Variants in GPR179 observed in about 807,000 individuals in gnomAD.
GPR179 encodes probable G protein-coupled receptor 179.
Under a neutral mutation model 70.8 loss-of-function variants are expected in GPR179, and 52 were observed. The ratio of observed to expected loss-of-function variants is 0.73; its 90% CI spans 0.59 to 0.93. The LOEUF (loss-of-function observed/expected upper bound fraction) is 0.93, where lower values mean the gene tolerates loss of function less well. GPR179 is among the 40% of genes least tolerant of loss of function. The pLI, the probability that GPR179 is intolerant of heterozygous loss-of-function variation, is 0.00. For synonymous variants in GPR179, 1,123 were observed against 1,169.0 expected (o/e 0.96, Z 0.80); for missense variants, 2,734 against 2,966.8 (o/e 0.92, Z 1.82).
rs552501732 is a variant in GPR179 at position 38,330,704 on chromosome 17, A to T, written c.2865T>A (p.Ser955=). Residue 955 remains serine, a synonymous_variant, in exon 11 of 11, where the codon TCT becomes TCA. Transcript: ENST00000616987. ...SGGLGEPRML[S]PTSTLAPALL... is the part of the protein sequence containing the mutation. Reference sequence around the variant, plus strand: ...GAGCTGGAGCCAAGGTGGAGGTGGGAGATAGCATCCTTGGCTCTCCCAGGC... The same window carrying T: ...GAGCTGGAGCCAAGGTGGAGGTGGGTGATAGCATCCTTGGCTCTCCCAGGC... 7.8e-5 allele frequency: 124 copies of T among 1,596,576 alleles called. No homozygotes were observed. In the South Asian group the frequency reaches 1.2e-3, roughly 16 times the overall value.
Position 38,334,116 on chromosome 17 carries a change from A to G in GPR179, c.1785-78T>C. ...TGCTTTGCCTTCTCACTGGCGTTTC[A>G]CCTCAGCCCCAACCCTGATACGCTT... is the stretch of plus-strand genomic sequence containing the variant. On this transcript the variant is annotated intron_variant, in intron 8 of 10. Transcript: ENST00000616987. This position sits in a 1 kb window ranked among gnomAD's most constrained non-coding sequence, Gnocchi z 4.7. 9.9e-7 allele frequency: 1 copy of G among 1,010,008 alleles called. No individual in the cohort carries two copies. The highest frequency in any genetic ancestry group is 1.6e-6 in the Non-Finnish European group (1 of 634,380). The allele number at this position is 1,010,008 out of a possible 1,614,324, so 62.6% of individuals were successfully genotyped here. A position where few individuals can be genotyped will look rare whatever the true frequency, so the allele number is the denominator to read the frequency against.
intron 1 of GPR179, 147 bp from the exon 2 acceptor site, chr17:38,339,672 G>C: frequency 1.6e-6 from 1 of 609,312 alleles, no homozygotes; most frequent in South Asian, 2.0e-5. Context: ...AGATTAGAAG[G>C]GTTCAGAAGT....
rs1363543230 is a variant in GPR179, at chr17:38,329,647, T to A, written c.3922A>T (p.Lys1308Ter). 6.2e-7 allele frequency: 1 copy of A among 1,614,174 alleles called. No homozygotes were observed. Among genetic ancestry groups the A allele is most frequent in the South Asian group, 1.1e-5 (1 of 91,088 alleles). ...EPIDVVPMMR[K>*]KPERLVREQE... ...TCCCTCACCAGCCTCTCTGGCTTTT[T>A]CCGCATCATGGGAACCACATCTATG... Residue 1308 changes from lysine (K) to a stop codon, truncating the protein, a stop_gained, in exon 11 of 11, where the codon AAA (lysine) becomes TAA (stop). Coordinates refer to ENST00000616987, the MANE Select transcript of GPR179 (RefSeq NM_001004334.4). LOFTEE classifies it low-confidence loss of function (END_TRUNC).
chr17:38,339,872 G>A (rs2037435770), intron 1 of GPR179, among the ~76,000 whole-genome samples: 1 of 152,148 alleles, frequency 6.6e-6, no homozygotes, highest in Non-Finnish European at 1.5e-5. Context: ...TGTAGGAGCT[G>A]GTCATAAAGA....
At position 38,326,869 on chromosome 17, in the gene GPR179, T is replaced by C. The variant is rs914089814; in HGVS notation, c.6700A>G (p.Ile2234Val). Residue 2234 changes from isoleucine (I) to valine (V), a missense_variant, in exon 11 of 11, where the codon ATA (isoleucine) becomes GTA (valine). Ile to Val is a conservative substitution (Grantham distance 29, BLOSUM62 3). Transcript: ENST00000616987. ...CAGATGTCTGCCATGGTACCCTTTA[T>C]TTTATTTCCTTCTGGATCTGTGATT... The part of the protein sequence containing the change: ...WEITDPEGNK[I>V]KGTMADICPG... 2 of 1,614,100 alleles carry C rather than the reference T, an allele frequency of 1.2e-6. No individual in the cohort carries two copies. Among genetic ancestry groups the C allele is most frequent in the Non-Finnish European group, 1.7e-6 (2 of 1,180,048 alleles).
intron 1 of GPR179, 34 bp from the exon 2 acceptor site, chr17:38,339,559 G>A: frequency 1.4e-6 from 2 of 1,452,560 alleles, no homozygotes; most frequent in Non-Finnish European, 1.9e-6. Flanking sequence ...GGGGCACAGT[G>A]ATTGATGCCA....
chr17:38,343,050 A>C lies in GPR179; in HGVS notation c.740T>G (p.Ile247Ser), dbSNP rs765247872. ...TCCATAGAAGGTGGCAGAGAGTGTG[A>C]TCAGCCATCCAGGTCGGAGCCGTCC... is the stretch of plus-strand genomic sequence containing the variant. ...QEGRLRPGWLITLSATFYGLK... is the reference protein window; with the variant it reads ...QEGRLRPGWLSTLSATFYGLK... Residue 247 changes from isoleucine (I) to serine (S), a missense_variant, in exon 1 of 11, where the codon ATC (isoleucine) becomes AGC (serine). Coordinates refer to ENST00000616987, the MANE Select transcript of GPR179 (RefSeq NM_001004334.4). This position sits in a 1 kb window ranked among gnomAD's most constrained non-coding sequence, Gnocchi z 4.2. 3.7e-5 allele frequency: 59 copies of C among 1,613,682 alleles called. 1 individual carries two copies. Among genetic ancestry groups the C allele is most frequent in the Non-Finnish European group, 4.9e-5 (58 of 1,179,820 alleles).
chr17:38,327,224 A>G lies in GPR179; in HGVS notation c.6345T>C (p.Cys2115=), dbSNP rs1316111153. 2 of 1,614,096 alleles carry G rather than the reference A, an allele frequency of 1.2e-6. No individual in the cohort carries two copies. The highest frequency in any genetic ancestry group is 2.2e-5 in the South Asian group (2 of 91,080). ...AGGGAGCCTCTACCACTTCCCACAG[A>G]CACACTTCCGCTACCCTGGTCTCCA... The part of the protein sequence containing the change: ...GSVETRVAEV[C]LWEVVEAPSA... Residue 2115 remains cysteine (C), a synonymous_variant, in exon 11 of 11, where the codon TGT becomes TGC. Transcript: ENST00000616987.
Position 38,337,662 on chromosome 17 carries a change from G to GCATTGTC in GPR179, c.961_962insGACAATG (p.Pro321ArgfsTer18). On this transcript the variant is annotated frameshift_variant, in exon 3 of 11. Transcript: ENST00000616987. LOFTEE classifies it high-confidence loss of function. The stretch of plus-strand genomic sequence containing the variant: ...AGAGGGGCTTGCCCCGTAGAATCCA[G>GCATTGTC]GTCGGCAGCGGCAGAGGTAGCGGCC... 6.3e-7 allele frequency: 1 copy of GCATTGTC among 1,598,642 alleles called. No individual in the cohort carries two copies. The highest frequency in any genetic ancestry group is 8.5e-7 in the Non-Finnish European group (1 of 1,173,012).
chr17:38,332,041 G>A (rs939810254), intron 10 of GPR179, among the ~76,000 whole-genome samples: 3 of 152,174 alleles, frequency 2.0e-5, no homozygotes, highest in African/African-American at 7.2e-5. Context: ...CATAGGGGCC[G>A]CAGATTGGCT....
chr17:38,333,307 C>T lies in GPR179; in HGVS notation c.1981G>A (p.Gly661Ser), dbSNP rs1656293706. 6.2e-7 allele frequency: 1 copy of T among 1,614,094 alleles called. No individual in the cohort carries two copies. The highest frequency in any genetic ancestry group is 8.5e-7 in the Non-Finnish European group (1 of 1,179,998). ...LDLQHSGSYL[G>S]SSIASAWSEH... ...CTCCAGGCTGAGGCGATGCTGCTGC[C>T]AAGGTAGGAGCCTGAGTGCTGCAGG... Residue 661 changes from glycine (G) to serine (S), a missense_variant, in exon 10 of 11, where the codon GGC becomes AGC. By Grantham distance (56) the Gly-to-Ser change is moderately conservative. Transcript: ENST00000616987.
rs780276424 is a variant in GPR179, at chr17:38,328,971, T to C, written c.4598A>G (p.Glu1533Gly). ...CGTGCTCTCCCTGGGACAAACTGAC[T>C]CCTGCTGTTGACTTAATTTCTGCAC... ...KAVQKLSQQQ[E>G]SVCPRESTVP... The change falls in exon 11 of 11, where the codon GAG becomes GGG. Residue 1533 changes from glutamate to glycine, a missense_variant. Physicochemically the swap from Glu to Gly is moderately conservative, Grantham distance 98. Coordinates refer to ENST00000616987, the MANE Select transcript of GPR179 (RefSeq NM_001004334.4). The C allele has an allele frequency of 1.2e-6, 2 of 1,614,136 alleles. No homozygotes were observed. The highest frequency in any genetic ancestry group is 1.7e-6 in the Non-Finnish European group (2 of 1,180,006).
At position 38,325,321 on chromosome 17, in the gene GPR179, T is replaced by C. The variant is rs930924453; in HGVS notation, c.*1144A>G. On this transcript the variant is annotated 3_prime_UTR_variant, in exon 11 of 11. Transcript: ENST00000616987. ...GTGCCCTTTTCCCAGCTCTCAGGCT[T>C]CTAACTTGCCCTGTAGCACTCCTCT... 6.6e-6 allele frequency among the ~76,000 whole-genome samples: 1 copy of C among 152,172 alleles called. No homozygotes were observed. Among genetic ancestry groups the C allele is most frequent in the Non-Finnish European group, 1.5e-5 (1 of 68,022 alleles).
In GPR179 at chr17:38,343,302, G is replaced by A; in HGVS notation, c.488C>T (p.Ala163Val). 1 of 1,614,166 alleles carries A rather than the reference G, an allele frequency of 6.2e-7. No homozygotes were observed. Among genetic ancestry groups the A allele is most frequent in the African/African-American group, 1.3e-5 (1 of 75,056 alleles). Residue 163 changes from alanine (A) to valine (V), a missense_variant, in exon 1 of 11, where the codon GCC (alanine) becomes GTC (valine). Ala to Val is a moderately conservative substitution (Grantham distance 64). Coordinates refer to ENST00000616987, the MANE Select transcript of GPR179 (RefSeq NM_001004334.4). This position sits in a 1 kb window ranked among gnomAD's most constrained non-coding sequence, Gnocchi z 4.2. ...PPPGASHLQL[A>V]LQATRTGEET... ...CTCCCCAGTCCGGGTGGCCTGCAGG[G>A]CCAGCTGTAGGTGGCTGGCCCCTGG...
At position 38,334,898 on chromosome 17, in the gene GPR179, C is replaced by T; in HGVS notation, c.1646-56G>A. ...CACCACCTCAGCAGCTGTCCCACCC[C>T]TTTCTCTGAAAGATGTGCTGGGGGG... is the stretch of plus-strand genomic sequence containing the variant. On this transcript the variant is annotated intron_variant, in intron 7 of 10. Coordinates refer to ENST00000616987, the MANE Select transcript of GPR179 (RefSeq NM_001004334.4). This position sits in a 1 kb window ranked among gnomAD's most constrained non-coding sequence, Gnocchi z 4.7. The T allele has an allele frequency of 6.2e-7, 1 of 1,603,138 alleles. No homozygotes were observed. The highest frequency in any genetic ancestry group is 8.5e-7 in the Non-Finnish European group (1 of 1,173,538).
At chr17:38,340,057 T>C (rs1218807781) in intron 1 of GPR179, among the ~76,000 whole-genome samples, 1 of 152,240 alleles carries the variant, frequency 6.6e-6, no homozygotes, top group Non-Finnish European at 1.5e-5. Flanking sequence ...TAGACTTTTT[T>C]GTCCAATCAC....
rs1186626295 is a variant in GPR179 at position 38,325,358 on chromosome 17, G to A, written c.*1107C>T. 2.0e-5 allele frequency among the ~76,000 whole-genome samples: 3 copies of A among 151,762 alleles called. No homozygotes were observed. Among genetic ancestry groups the A allele is most frequent in the Admixed American group, 6.6e-5 (1 of 15,206 alleles). ...TGTAGCACTCCTCTTTTAGAGGGCA[G>A]AAGAAGTAGAGTGCTGGCTGTGTAC... On this transcript the variant is annotated 3_prime_UTR_variant, in exon 11 of 11. Transcript: ENST00000616987.
At chr17:38,342,334 CT>C (rs10681391) in intron 1 of GPR179, among the ~76,000 whole-genome samples, 272 of 139,124 alleles carry the variant, frequency 2.0e-3, no homozygotes, top group East Asian at 2.3e-3. Context: ...ACTGACACAT[CT>C]TTTTTTTTTT....
rs766582295 is a variant in GPR179, at chr17:38,327,218, C to T, written c.6351G>A (p.Trp2117Ter). Residue 2117 changes from tryptophan (W) to a stop codon, truncating the protein, a stop_gained, in exon 11 of 11, where the codon TGG becomes TGA. Transcript: ENST00000616987. LOFTEE classifies it low-confidence loss of function (END_TRUNC). ...VETRVAEVCL[W>*]EVVEAPSAKK... ...TGGCAGAGGGAGCCTCTACCACTTC[C>T]CACAGACACACTTCCGCTACCCTGG... The T allele has an allele frequency of 3.7e-6, 6 of 1,614,134 alleles. No homozygotes were observed. The highest frequency in any genetic ancestry group is 1.7e-5 in the Admixed American group (1 of 60,002).
Sources: allele counts gnomAD v4.1 joint callset (sites outside exome capture counted in the v4.1 genomes callset), GRCh38; gene constraint gnomAD v4.1.1; non-coding constraint Gnocchi (gnomAD v3.1); transcripts MANE v1.5; gene names NCBI Gene and HGNC (gene_info 2026-07-23, HGNC 2026-07-21).